CYP11B2: variants seen among roughly 807,000 people sequenced by gnomAD.
CYP11B2 encodes the protein cytochrome P450 11B2, mitochondrial.
In CYP11B2, 38 loss-of-function variants were observed where a neutral mutation model predicts 49.3. The observed-to-expected ratio is 0.77, with a 90% CI of 0.59 to 1.01. CYP11B2 has a LOEUF of 1.01. CYP11B2 is among the 50% of genes least tolerant of loss of function. CYP11B2 has a pLI of 0.00. For missense variants in CYP11B2, 669 were observed against 655.5 expected, an observed-to-expected ratio of 1.02 and a Z score of -0.23; for synonymous variants, 290 against 269.3, an observed-to-expected ratio of 1.08 and a Z score of -0.75.
intron 2 of CYP11B2, chr8:142,916,645 T>G (rs1817650505): frequency 2.6e-6 from 1 of 381,794 alleles, no homozygotes; most frequent in South Asian, 2.0e-5. Flanking sequence ...TGAGGGAGGC[T>G]GTGGCCCCGG....
chr8:142,914,320 A>G lies in CYP11B2; in HGVS notation c.898T>C (p.Ser300Pro). 4 of 1,613,994 alleles carry G rather than the reference A, an allele frequency of 2.5e-6. No homozygotes were observed. The highest frequency in any genetic ancestry group is 3.4e-6 in the Non-Finnish European group (4 of 1,179,938). The change falls in exon 5 of 9, where the codon TCA becomes CCA. Residue 300 changes from serine (S) to proline (P), a missense_variant. Coordinates refer to ENST00000323110, the MANE Select transcript of CYP11B2 (RefSeq NM_000498.3). ...VAELLLKAEL[S>P]LEAIKANSME... ...GAGTTGGCCTTGATGGCTTCTAGTG[A>G]CAGTTCCGCCTTCAACAGGAGCTCC...
rs1204835904 is a variant in CYP11B2 at position 142,912,005 on chromosome 8, A to AG, written c.1486dup (p.Leu496ProfsTer8). ...CTAGTTAATCGCTCTGAAAGTGAGG[A>AG]GGGGGGACGTGCCAGGCCTCAATAT... On this transcript the variant is annotated frameshift_variant, in exon 9 of 9. Coordinates refer to ENST00000323110, the MANE Select transcript of CYP11B2 (RefSeq NM_000498.3). LOFTEE classifies it high-confidence loss of function. 5 of 1,613,970 alleles carry AG rather than the reference A, an allele frequency of 3.1e-6. No individual in the cohort carries two copies. Among genetic ancestry groups the AG allele is most frequent in the Non-Finnish European group, 4.2e-6 (5 of 1,179,932 alleles).
intron 2 of CYP11B2, among the ~76,000 whole-genome samples, chr8:142,915,934 A>G (rs1278160758): frequency 6.6e-6 from 1 of 152,200 alleles, no homozygotes; most frequent in Non-Finnish European, 1.5e-5. Flanking sequence ...GACAGGCAGA[A>G]GATGCACATG....
In CYP11B2 at chr8:142,911,966, G is replaced by T; in HGVS notation, c.*14C>A. ...GCTGGTGGCCAGGCTGGGACCCTGG[G>T]TGCAGATGCAAGACTAGTTAATCGC... On this transcript the variant is annotated 3_prime_UTR_variant, in exon 9 of 9. Coordinates refer to ENST00000323110, the MANE Select transcript of CYP11B2 (RefSeq NM_000498.3). 1 of 1,613,964 alleles carries T rather than the reference G, an allele frequency of 6.2e-7. No individual in the cohort carries two copies. The highest frequency in any genetic ancestry group is 8.5e-7 in the Non-Finnish European group (1 of 1,179,908).
rs1817553996 is a variant in CYP11B2 at position 142,912,520 on chromosome 8, G to A, written c.1398+10C>T. Reference sequence around the variant, plus strand: ...GCCCAGGTCCCGCCCCCGCCCCCAGGCCTGCTTACGTGGTGCAGCAGCAGC... The same window carrying A: ...GCCCAGGTCCCGCCCCCGCCCCCAGACCTGCTTACGTGGTGCAGCAGCAGC... On this transcript the variant is annotated intron_variant, in intron 8 of 8. Coordinates refer to ENST00000323110, the MANE Select transcript of CYP11B2 (RefSeq NM_000498.3). 1 of 1,474,692 alleles carries A rather than the reference G, an allele frequency of 6.8e-7. No homozygotes were observed. 91.4% of individuals were successfully genotyped at this position (1,474,692 alleles called of 1,614,324 possible). A position where few individuals can be genotyped will look rare whatever the true frequency, so the allele number is the denominator to read the frequency against.
chr8:142,917,762 T>TAGTGCCC lies in CYP11B2; in HGVS notation c.72_78dup (p.Arg27GlyfsTer3). The TAGTGCCC allele has an allele frequency of 6.2e-7, 1 of 1,614,218 alleles. No homozygotes were observed. The highest frequency in any genetic ancestry group is 8.5e-7 in the Non-Finnish European group (1 of 1,180,044). On this transcript the variant is annotated frameshift_variant, in exon 1 of 9. Transcript: ENST00000323110. LOFTEE classifies it high-confidence loss of function. ...ACCGTCCTAGGGGCCCGAGCGGCTC[T>TAGTGCCC]AGTGCCCAGTGCCCGTGCCCTTTGC...
In CYP11B2 at chr8:142,913,565, A is replaced by C. The variant is rs61248603; in HGVS notation, c.955-114T>G. ...GTGGAGACATCCATGCCCTGAGCAA[A>C]AACAGAGCCCTGGGACCCCGGATCT... On this transcript the variant is annotated intron_variant, in intron 5 of 8. Transcript: ENST00000323110. 7.2e-3 allele frequency: 114 copies of C among 15,806 alleles called. 1 individual carries two copies. Among genetic ancestry groups the C allele is most frequent in the African/African-American group, 0.055 (12 of 220 alleles). 1.0% of individuals were successfully genotyped at this position (15,806 alleles called of 1,614,324 possible). A position where few individuals can be genotyped will look rare whatever the true frequency, so the allele number is the denominator to read the frequency against.
Position 142,915,192 on chromosome 8 carries a change from G to C in CYP11B2, c.449C>G (p.Ser150Trp). ...GAGGAACCTCTGCACGGCCTTGGGC[G>C]ACAGCACATCTGGGTTCAGCCGCAA... ...NRLRLNPDVL[S>W]PKAVQRFLPM... Residue 150 changes from serine to tryptophan, a missense_variant, in exon 3 of 9, where the codon TCG becomes TGG. By Grantham distance (177) the Ser-to-Trp change is radical. Transcript: ENST00000323110. 1 of 1,614,180 alleles carries C rather than the reference G, an allele frequency of 6.2e-7. No homozygotes were observed. Among genetic ancestry groups the C allele is most frequent in the African/African-American group, 1.3e-5 (1 of 75,060 alleles).
intron 2 of CYP11B2, 132 bp downstream of exon 2, chr8:142,916,927 G>A (rs556329250): frequency 1.3e-5 from 18 of 1,396,340 alleles, no homozygotes; most frequent in African/African-American, 2.8e-5. Context: ...CCTCTGGGCC[G>A]GGTGCTCACC....
At chr8:142,913,910 C>T in intron 5 of CYP11B2, 1 of 504,672 alleles carries the variant, frequency 2.0e-6, no homozygotes, top group Non-Finnish European at 3.9e-6. Context: ...GGGAAGGGTG[C>T]CCAGTGGAGT....
Position 142,912,615 on chromosome 8 carries a change from A to C in CYP11B2, c.1313T>G (p.Phe438Cys). The change falls in exon 8 of 9, where the codon TTC (phenylalanine) becomes TGC (cysteine). Residue 438 changes from phenylalanine (F) to cysteine (C), a missense_variant. Phe to Cys is a radical substitution (Grantham distance 205). Transcript: ENST00000323110. ...GCCAAAGCCAAAGGGCACGTGGTGG[A>C]AGTTCCTGCCGGAGCCCCTGATGTC... is the stretch of plus-strand genomic sequence containing the variant. ...WLDIRGSGRN[F>C]HHVPFGFGMR... 6.2e-7 allele frequency: 1 copy of C among 1,614,194 alleles called. No individual in the cohort carries two copies. The highest frequency in any genetic ancestry group is 1.6e-4 in the Middle Eastern group (1 of 6,062).
At position 142,913,384 on chromosome 8, in the gene CYP11B2, C is replaced by T. The variant is rs370011030; in HGVS notation, c.1022G>A (p.Arg341His). 31 of 1,613,810 alleles carry T rather than the reference C, an allele frequency of 1.9e-5. No homozygotes were observed. In the African/African-American group the frequency reaches 2.1e-4, roughly 11 times the overall value. ...ARNPDVQQIL[R>H]QESLAAAASI... ...GGCTGCGGCGGCCAGGCTCTCCTGG[C>T]GCAGGATCTGCTGCACGTCGGGGTT... is the stretch of plus-strand genomic sequence containing the variant. Residue 341 changes from arginine (R) to histidine (H), a missense_variant, in exon 6 of 9, where the codon CGC becomes CAC. Physicochemically the swap from Arg to His is conservative, Grantham distance 29. Coordinates refer to ENST00000323110, the MANE Select transcript of CYP11B2 (RefSeq NM_000498.3).
intron 2 of CYP11B2, among the ~76,000 whole-genome samples, chr8:142,916,158 G>C (rs1416801842): frequency 6.6e-6 from 1 of 152,108 alleles, no homozygotes; most frequent in African/African-American, 2.4e-5. Flanking sequence ...ACAGATGCAA[G>C]ACACACACAC....
At position 142,912,163 on chromosome 8, in the gene CYP11B2, C is replaced by T. The variant is rs1817548536; in HGVS notation, c.1399-70G>A. ...TGGACCTGGGGCAGCTTCCTCCCAT[C>T]GTCCCAGGTGCAACAATTATGCTGA... is the stretch of plus-strand genomic sequence containing the variant. On this transcript the variant is annotated intron_variant, in intron 8 of 8. Coordinates refer to ENST00000323110, the MANE Select transcript of CYP11B2 (RefSeq NM_000498.3). The T allele has an allele frequency of 1.9e-6, 3 of 1,606,772 alleles. No homozygotes were observed. The South Asian group carries it at 3.3e-5, about 18-fold the overall frequency.
At position 142,911,086 on chromosome 8, in the gene CYP11B2, A is replaced by C. The variant is rs777029864; in HGVS notation, c.*894T>G. 2.4e-4 allele frequency: 36 copies of C among 152,146 alleles called. No homozygotes were observed. The highest frequency in any genetic ancestry group is 2.4e-3 in the Admixed American group (36 of 15,282). The allele number at this position is 152,146 out of a possible 1,614,324, so 9.4% of individuals were successfully genotyped here. Reference sequence around the variant, plus strand: ...CCCACCCCAGGTCGTGGCACATGACATGGCTCCGTATCAACCAGAGGAATG... The same window carrying C: ...CCCACCCCAGGTCGTGGCACATGACCTGGCTCCGTATCAACCAGAGGAATG... On this transcript the variant is annotated 3_prime_UTR_variant, in exon 9 of 9. Coordinates refer to ENST00000323110, the MANE Select transcript of CYP11B2 (RefSeq NM_000498.3).
In CYP11B2 at chr8:142,917,766, G is replaced by A; in HGVS notation, c.75C>T (p.Gly25=). The part of the protein sequence containing the change: ...WLSLQRARAL[G]TRAARAPRTV... ...TCCTAGGGGCCCGAGCGGCTCTAGT[G>A]CCCAGTGCCCGTGCCCTTTGCAGGG... is the stretch of plus-strand genomic sequence containing the variant. The change falls in exon 1 of 9, where the codon GGC becomes GGT. Residue 25 remains glycine (G), a synonymous_variant. Transcript: ENST00000323110. 1 of 1,614,194 alleles carries A rather than the reference G, an allele frequency of 6.2e-7. No individual in the cohort carries two copies. Among genetic ancestry groups the A allele is most frequent in the South Asian group, 1.1e-5 (1 of 91,090 alleles).
In CYP11B2 at chr8:142,913,364, C is replaced by A; in HGVS notation, c.1042G>T (p.Ala348Ser). The change falls in exon 6 of 9, where the codon GCA becomes TCA. Residue 348 changes from alanine to serine, a missense_variant. Transcript: ENST00000323110. ...QILRQESLAA[A>S]ASISEHPQKA... Reference sequence around the variant, plus strand: ...TGGGGATGTTCACTGATGCTGGCTGCGGCGGCCAGGCTCTCCTGGCGCAGG... The same window carrying A: ...TGGGGATGTTCACTGATGCTGGCTGAGGCGGCCAGGCTCTCCTGGCGCAGG... 1.2e-6 allele frequency: 2 copies of A among 1,613,896 alleles called. No individual in the cohort carries two copies. Among genetic ancestry groups the A allele is most frequent in the South Asian group, 2.2e-5 (2 of 91,076 alleles).
rs61757298 is a variant in CYP11B2, at chr8:142,913,311, C to T, written c.1095G>A (p.Leu365=). 3.3e-5 allele frequency: 54 copies of T among 1,613,790 alleles called. No individual in the cohort carries two copies. Among genetic ancestry groups the T allele is most frequent in the Admixed American group, 1.0e-4 (6 of 59,994 alleles). The change falls in exon 6 of 9, where the codon CTG becomes CTA. Residue 365 remains leucine (L), a synonymous_variant. Transcript: ENST00000323110. ...PQKATTELPL[L]RAALKETLRL... ...GCAAGGTCTCCTTGAGGGCCGCCCG[C>T]AGCAAGGGCAGCTCGGTGGTTGCCT...
In CYP11B2 at chr8:142,914,177, C is replaced by T. The variant is rs78606365; in HGVS notation, c.954+87G>A. On this transcript the variant is annotated intron_variant, in intron 5 of 8. Coordinates refer to ENST00000323110, the MANE Select transcript of CYP11B2 (RefSeq NM_000498.3). ...GGGCCTGTAGCCTGGGGATGGGGAA[C>T]GTGGGTGCCGTGTGGCATTGGCAGG... is the stretch of plus-strand genomic sequence containing the variant. 6.6e-4 allele frequency: 984 copies of T among 1,481,476 alleles called. 5 individuals are homozygous for T. In the African/African-American group the frequency reaches 8.1e-3, roughly 12 times the overall value. The allele number at this position is 1,481,476 out of a possible 1,614,324, so 91.8% of individuals were successfully genotyped here.
Sources: allele counts gnomAD v4.1 joint callset (sites outside exome capture counted in the v4.1 genomes callset), GRCh38; gene constraint gnomAD v4.1.1; transcripts MANE v1.5; gene names NCBI Gene and HGNC (gene_info 2026-07-23, HGNC 2026-07-21).